Variants in DNHD1 observed in about 807,000 individuals in gnomAD.
DNHD1 encodes the protein dynein heavy chain domain-containing protein 1.
In DNHD1, 383 loss-of-function variants were observed where a neutral mutation model predicts 458.1. The ratio of observed to expected loss-of-function variants is 0.84; its 90% CI spans 0.77 to 0.91. The LOEUF is 0.91. Ranked by LOEUF, DNHD1 falls within the 40% of genes least tolerant of loss-of-function variation. DNHD1 has a pLI of 0.00. For synonymous variants in DNHD1, 2,203 were observed against 2,376.9 expected (o/e 0.93, Z 2.13); for missense variants, 5,336 against 5,866.1 (o/e 0.91, Z 2.95).
chr11:6,509,336 A>G, intron 6 of DNHD1, 64 bp downstream of exon 6: 2 of 1,397,028 alleles, frequency 1.4e-6, no homozygotes, highest in South Asian at 2.6e-5. Context: ...AGGTAATAGT[A>G]TGTTTGTTGT....
chr11:6,551,654 G>A (rs1167466602), intron 24 of DNHD1, among the ~76,000 whole-genome samples: 2 of 152,222 alleles, frequency 1.3e-5, no homozygotes, highest in Admixed American at 1.3e-4. Flanking sequence ...GATAAAAAGG[G>A]AGCCAGGGCC....
chr11:6,548,181 C>G lies in DNHD1; in HGVS notation c.6906-29C>G, dbSNP rs369861835. On this transcript the variant is annotated intron_variant, in intron 22 of 42. Coordinates refer to ENST00000254579, the MANE Select transcript of DNHD1 (RefSeq NM_144666.3). The surrounding 1 kb of genome is among the most constrained non-coding windows in gnomAD (Gnocchi z 4.4). ...AAATGGAAGTGTTGTAACTGTCTGA[C>G]GCTTTTGCCTGTGTGTCCATCTGAG... The G allele has an allele frequency of 5.8e-6, 9 of 1,549,332 alleles. No homozygotes were observed. In the Admixed American group the frequency reaches 1.8e-4, roughly 30 times the overall value.
chr11:6,562,956 T>C (rs1233102722), intron 28 of DNHD1, 26 bp from the exon 29 acceptor site: 8 of 1,546,774 alleles, frequency 5.2e-6, no homozygotes, highest in Non-Finnish European at 5.2e-6. Flanking sequence ...GATCTGGAGC[T>C]GCAGGGCCTG....
At chr11:6,511,061 T>C (rs1852327302) in intron 6 of DNHD1, among the ~76,000 whole-genome samples, 1 of 152,226 alleles carries the variant, frequency 6.6e-6, no homozygotes, top group African/African-American at 2.4e-5. Flanking sequence ...CCAAGCCTTT[T>C]CTCAGCTTGT....
chr11:6,535,274 C>T (rs931633282), intron 14 of DNHD1, among the ~76,000 whole-genome samples: 1 of 152,182 alleles, frequency 6.6e-6, no homozygotes, highest in African/African-American at 2.4e-5. Flanking sequence ...CACATGTATA[C>T]GCATGTAACT....
intron 28 of DNHD1, among the ~76,000 whole-genome samples, chr11:6,560,915 C>A (rs1853574016): frequency 6.6e-6 from 1 of 152,138 alleles, no homozygotes; most frequent in South Asian, 2.1e-4. Context: ...TATATGCCTA[C>A]ATTTACATCT....
rs758543883 is a variant in DNHD1 at position 6,545,799 on chromosome 11, A to G, written c.4860A>G (p.Leu1620=). ...GSPHIIPKSP[L]QSLKTIASSE... ...CTCACATAATCCCCAAAAGCCCCCT[A>G]CAGAGTCTTAAGACTATTGCATCTT... Residue 1620 remains leucine, a synonymous_variant, in exon 21 of 43, where the codon CTA becomes CTG. Coordinates refer to ENST00000254579, the MANE Select transcript of DNHD1 (RefSeq NM_144666.3). The surrounding 1 kb of genome is among the most constrained non-coding windows in gnomAD (Gnocchi z 4.9). 36 of 1,551,742 alleles carry G rather than the reference A, an allele frequency of 2.3e-5. No individual in the cohort carries two copies. The highest frequency in any genetic ancestry group is 2.4e-5 in the Non-Finnish European group (27 of 1,147,022).
Position 6,520,247 on chromosome 11 carries a change from T to G in DNHD1, c.1795T>G (p.Ser599Ala). 6.4e-7 allele frequency: 1 copy of G among 1,554,108 alleles called. No homozygotes were observed. The highest frequency in any genetic ancestry group is 1.2e-5 in the South Asian group (1 of 84,630). Reference sequence around the variant, plus strand: ...ATATCCTGGCATGAAGGTAGTGCAGTCTGCAGACCTGAAGACCTCCTCGGA... The same window carrying G: ...ATATCCTGGCATGAAGGTAGTGCAGGCTGCAGACCTGAAGACCTCCTCGGA... Reference protein sequence around the residue: ...VKTSALQVVQSADLKTSSDSL... With the variant: ...VKTSALQVVQAADLKTSSDSL... Residue 599 changes from serine to alanine, a missense_variant, in exon 10 of 43, where the codon TCT (serine) becomes GCT (alanine). By Grantham distance (99) the Ser-to-Ala change is moderately conservative. Transcript: ENST00000254579.
At position 6,528,589 on chromosome 11, in the gene DNHD1, T is replaced by C; in HGVS notation, c.1905T>C (p.Asp635=). 2 of 1,551,712 alleles carry C rather than the reference T, an allele frequency of 1.3e-6. No individual in the cohort carries two copies. Among genetic ancestry groups the C allele is most frequent in the Non-Finnish European group, 1.7e-6 (2 of 1,146,978 alleles). Reference sequence around the variant, plus strand: ...CCAAGTTCCAGGGCCAGCCCAGCGATGCTGTGAGCATCTTCTGTGGCCCGA... The same window carrying C: ...CCAAGTTCCAGGGCCAGCCCAGCGACGCTGTGAGCATCTTCTGTGGCCCGA... ...LMPKFQGQPS[D]AVSIFCGPNV... The change falls in exon 11 of 43, where the codon GAT becomes GAC. Residue 635 remains aspartate (D), a synonymous_variant. Coordinates refer to ENST00000254579, the MANE Select transcript of DNHD1 (RefSeq NM_144666.3).
At chr11:6,532,703 G>A (rs1331299503) in intron 12 of DNHD1, among the ~76,000 whole-genome samples, 7 of 152,088 alleles carry the variant, frequency 4.6e-5, no homozygotes. Context: ...TAGCTATACT[G>A]GCTGAAGGCT....
At chr11:6,509,317 T>G (rs896730003) in intron 6 of DNHD1, 45 bp downstream of exon 6, 1 of 1,523,864 alleles carries the variant, frequency 6.6e-7, no homozygotes, top group Non-Finnish European at 8.9e-7. Flanking sequence ...TAAAAATTAG[T>G]TTTACTAAAG....
At position 6,547,477 on chromosome 11, in the gene DNHD1, C is replaced by A; in HGVS notation, c.6538C>A (p.His2180Asn). Residue 2180 changes from histidine (H) to asparagine (N), a missense_variant, in exon 21 of 43, where the codon CAC becomes AAC. Coordinates refer to ENST00000254579, the MANE Select transcript of DNHD1 (RefSeq NM_144666.3). ...LQHRTVAELN[H>N]MAEVLVPATL... ...GCACCGGACAGTCGCTGAGCTCAAC[C>A]ACATGGCTGAGGTTCTGGTGCCTGC... is the stretch of plus-strand genomic sequence containing the variant. 6.4e-7 allele frequency: 1 copy of A among 1,550,952 alleles called. No homozygotes were observed. Among genetic ancestry groups the A allele is most frequent in the Non-Finnish European group, 8.7e-7 (1 of 1,146,316 alleles).
chr11:6,569,961 A>G, intron 39 of DNHD1, 48 bp from the exon 40 acceptor site: 1 of 1,533,610 alleles, frequency 6.5e-7, no homozygotes. Flanking sequence ...GACAGTCCTC[A>G]GCATATAGAT....
intron 10 of DNHD1, among the ~76,000 whole-genome samples, chr11:6,523,772 AG>A (rs1333865237): frequency 2.6e-5 from 4 of 152,130 alleles, no homozygotes; most frequent in Non-Finnish European, 5.9e-5. Context: ...GAGTTACTTG[AG>A]GCCAGGAGTT....
chr11:6,557,430 G>A lies in DNHD1; in HGVS notation c.8135G>A (p.Gly2712Glu). 6.4e-7 allele frequency: 1 copy of A among 1,551,428 alleles called. No individual in the cohort carries two copies. The highest frequency in any genetic ancestry group is 8.7e-7 in the Non-Finnish European group (1 of 1,147,082). ...AGGGTGCCCGAAGTAGAATCTGAAG[G>A]GGAGTTGGCCCAGTGGGAGGACTTC... ...EERVPEVESEGELAQWEDFSN... is the reference protein window; with the variant it reads ...EERVPEVESEEELAQWEDFSN... The change falls in exon 25 of 43, where the codon GGG (glycine) becomes GAG (glutamate). Residue 2712 changes from glycine to glutamate, a missense_variant. Coordinates refer to ENST00000254579, the MANE Select transcript of DNHD1 (RefSeq NM_144666.3).
chr11:6,557,040 C>T lies in DNHD1; in HGVS notation c.7745C>T (p.Pro2582Leu), dbSNP rs1212487317. 8 of 1,551,466 alleles carry T rather than the reference C, an allele frequency of 5.2e-6. No homozygotes were observed. The highest frequency in any genetic ancestry group is 3.5e-6 in the Non-Finnish European group (4 of 1,146,956). The stretch of plus-strand genomic sequence containing the variant: ...GTGTGCAATTGCTTCATGCCTTCAC[C>T]CCTCCACCCACACTACCACTTCTCC... Reference protein sequence around the residue: ...EAVCNCFMPSPLHPHYHFSLH... With the variant: ...EAVCNCFMPSLLHPHYHFSLH... The change falls in exon 25 of 43, where the codon CCC becomes CTC. Residue 2582 changes from proline (P) to leucine (L), a missense_variant. Around this residue, in one of 4 missense-constraint regions of DNHD1, gnomAD observed 3,932 missense variants for 4,365.6 expected, o/e 0.90. Coordinates refer to ENST00000254579, the MANE Select transcript of DNHD1 (RefSeq NM_144666.3).
chr11:6,558,766 T>A, intron 26 of DNHD1, 73 bp downstream of exon 26: 2 of 1,517,052 alleles, frequency 1.3e-6, no homozygotes, highest in South Asian at 2.4e-5. Flanking sequence ...TAGGTCAGTC[T>A]CTCTCTCTCC....
Position 6,558,124 on chromosome 11 carries a change from G to A in DNHD1, c.8829G>A (p.Leu2943=), listed in dbSNP as rs16915382. The change falls in exon 25 of 43, where the codon CTG becomes CTA. Residue 2943 remains leucine, a synonymous_variant. Coordinates refer to ENST00000254579, the MANE Select transcript of DNHD1 (RefSeq NM_144666.3). ...GCATGTTAAGCCAGCCAGTGGCTCT[G>A]TTGGTACCCAGTGGTGTGGATCTCA... ...HAGMLSQPVA[L]LVPSGVDLTT... 6.4e-7 allele frequency: 1 copy of A among 1,551,596 alleles called. No individual in the cohort carries two copies. The highest frequency in any genetic ancestry group is 8.7e-7 in the Non-Finnish European group (1 of 1,146,978).
At position 6,566,824 on chromosome 11, in the gene DNHD1, G is replaced by T. The variant is rs534027560; in HGVS notation, c.11385+59G>T. ...GCATTGGATGGACCTGGGTAAGGGG[G>T]TGGAGATGAATGTAGATGTTTGGGG... On this transcript the variant is annotated intron_variant, in intron 35 of 42. Transcript: ENST00000254579. 3.3e-5 allele frequency: 52 copies of T among 1,599,380 alleles called. No individual in the cohort carries two copies. In the East Asian group the frequency reaches 8.3e-4, roughly 26 times the overall value.
Sources: allele counts gnomAD v4.1 joint callset (sites outside exome capture counted in the v4.1 genomes callset), GRCh38; gene constraint gnomAD v4.1.1; regional missense constraint gnomAD v4.1.1; non-coding constraint Gnocchi (gnomAD v3.1); transcripts MANE v1.5; gene names NCBI Gene and HGNC (gene_info 2026-07-23, HGNC 2026-07-21).